Variants in RUNX1 observed in about 807,000 individuals in gnomAD.
RUNX1 encodes the protein RUNX family transcription factor 1, also known as runt-related transcription factor 1.
Under a neutral mutation model 42.8 loss-of-function variants are expected in RUNX1, and 19 were observed. The observed-to-expected ratio is 0.44, with a 90% confidence interval of 0.31 to 0.65. RUNX1 has a LOEUF of 0.65. Ranked by LOEUF, RUNX1 falls within the 30% of genes least tolerant of loss-of-function variation. RUNX1 has a pLI of 0.07. For missense variants in RUNX1, 528 were observed against 672.0 expected, an observed-to-expected ratio of 0.79 and a Z score of 2.37; for synonymous variants, 271 against 289.4, an observed-to-expected ratio of 0.94 and a Z score of 0.64.
intron 2 of RUNX1, among the ~76,000 whole-genome samples, chr21:34,957,836 G>A (rs765660798): frequency 1.4e-4 from 22 of 152,078 alleles, no homozygotes; most frequent in Non-Finnish European, 3.2e-4. Flanking sequence ...TGTCATGTCC[G>A]GCTATCGGCA....
chr21:34,865,872 G>A (rs1230720140), intron 5 of RUNX1, among the ~76,000 whole-genome samples: 1 of 152,184 alleles, frequency 6.6e-6, no homozygotes, highest in Non-Finnish European at 1.5e-5. Context: ...CATGCAGCTC[G>A]GGGTCATTTC....
At chr21:34,936,563 G>C (rs960290095) in intron 2 of RUNX1, among the ~76,000 whole-genome samples, 1 of 152,184 alleles carries the variant, frequency 6.6e-6, no homozygotes, top group South Asian at 2.1e-4. Context: ...GTAAATGTAC[G>C]AGGCTGCTAC....
chr21:34,957,510 T>TG lies in RUNX1; in HGVS notation c.59-64548dup, dbSNP rs1245148768. Among the ~76,000 whole-genome samples, 7 of 152,282 alleles carry TG rather than the reference T, an allele frequency of 4.6e-5. No homozygotes were observed. In the East Asian group the frequency reaches 1.2e-3, roughly 25 times the overall value. ...TGGAATTCTGGGCAAGGGGTGCCTG[T>TG]GTACCTCTCCAGTGCCACCTGGGTG... On this transcript the variant is annotated intron_variant, in intron 2 of 8. Coordinates refer to ENST00000675419, the MANE Select transcript of RUNX1 (RefSeq NM_001754.5).
In RUNX1 at chr21:34,792,052, C is replaced by T. The variant is rs2145870845; in HGVS notation, c.*83G>A. 5 of 899,184 alleles carry T rather than the reference C, an allele frequency of 5.6e-6. No individual in the cohort carries two copies. Among genetic ancestry groups the T allele is most frequent in the Non-Finnish European group, 7.7e-6 (5 of 652,510 alleles). 55.7% of individuals were successfully genotyped at this position (899,184 alleles called of 1,614,324 possible). On this transcript the variant is annotated 3_prime_UTR_variant, in exon 9 of 9. Transcript: ENST00000675419. The surrounding 1 kb of genome is among the most constrained non-coding windows in gnomAD (Gnocchi z 6.9). ...CCGGGCCCAGGGCCCGGGATCCCGG[C>T]GGGCTTGTCGCGAACAGGAGGCCCG...
At chr21:34,899,643 C>T (rs1166359233) in intron 2 of RUNX1, among the ~76,000 whole-genome samples, 1 of 152,200 alleles carries the variant, frequency 6.6e-6, no homozygotes, top group African/African-American at 2.4e-5. Context: ...ATACATTATC[C>T]CATTTAATTC....
At chr21:34,997,851 C>T (rs915418987) in intron 2 of RUNX1, among the ~76,000 whole-genome samples, 2 of 152,170 alleles carry the variant, frequency 1.3e-5, no homozygotes, top group African/African-American at 4.8e-5. Context: ...TCCTTCTCTC[C>T]CCAACACCCC....
Position 34,791,807 on chromosome 21 carries a change from T to C in RUNX1, c.*328A>G. The C allele has an allele frequency of 4.4e-6, 1 of 229,644 alleles. No homozygotes were observed. The allele number at this position is 229,644 out of a possible 1,614,324, so 14.2% of individuals were successfully genotyped here. On this transcript the variant is annotated 3_prime_UTR_variant, in exon 9 of 9. Transcript: ENST00000675419. ...TCACAGCATTGCTAAATCAGAAGCATTCACAGTTTCCCTCCGGGAATCTTC... is the reference window on the plus strand; with the variant it reads ...TCACAGCATTGCTAAATCAGAAGCACTCACAGTTTCCCTCCGGGAATCTTC...
intron 2 of RUNX1, among the ~76,000 whole-genome samples, chr21:34,929,373 T>C (rs1306342228): frequency 6.6e-6 from 1 of 152,176 alleles, no homozygotes; most frequent in Non-Finnish European, 1.5e-5. Context: ...CATTATGAAC[T>C]CACAGAAATA....
intron 2 of RUNX1, among the ~76,000 whole-genome samples, chr21:35,001,698 G>C (rs192404895): frequency 1.6e-4 from 25 of 152,258 alleles, no homozygotes; most frequent in African/African-American, 6.0e-4. Context: ...AAAGTAAGGA[G>C]TCAAATTATC....
At chr21:34,926,461 CAAAAAAAAAAA>C (rs1188609077) in intron 2 of RUNX1, among the ~76,000 whole-genome samples, 2 of 7,148 alleles carry the variant, frequency 2.8e-4, no homozygotes, top group Non-Finnish European at 6.0e-4. Context: ...GACCCAGTCT[CAAAAAAAAAAA>C]AAAAAAAAAA....
chr21:34,940,788 G>C (rs2058521128), intron 2 of RUNX1, among the ~76,000 whole-genome samples: 1 of 152,178 alleles, frequency 6.6e-6, no homozygotes, highest in Non-Finnish European at 1.5e-5. Flanking sequence ...CAGGAATTTA[G>C]ACACACTTAG....
intron 2 of RUNX1, among the ~76,000 whole-genome samples, chr21:34,912,854 T>C (rs2058282798): frequency 6.6e-6 from 1 of 152,200 alleles, no homozygotes; most frequent in East Asian, 1.9e-4. Flanking sequence ...AACTAGGGTG[T>C]GGGGAGAAGC....
At chr21:34,873,896 C>T (rs979748078) in intron 5 of RUNX1, among the ~76,000 whole-genome samples, 1 of 152,222 alleles carries the variant, frequency 6.6e-6, no homozygotes. Flanking sequence ...TTTATAAATA[C>T]AGACGTTGAA....
chr21:34,882,179 T>C (rs2146374073), intron 4 of RUNX1, among the ~76,000 whole-genome samples: 1 of 152,352 alleles, frequency 6.6e-6, no homozygotes, highest in South Asian at 2.1e-4. Context: ...AAGGCTGCCA[T>C]AGACTCACTT....
At chr21:34,909,358 A>G (rs2058252701) in intron 2 of RUNX1, among the ~76,000 whole-genome samples, 3 of 152,314 alleles carry the variant, frequency 2.0e-5, no homozygotes, top group South Asian at 2.1e-4. Flanking sequence ...GAAAACAGAG[A>G]GAATCCACTT....
chr21:34,992,883 T>G (rs77268513), intron 2 of RUNX1, among the ~76,000 whole-genome samples: 17 of 152,040 alleles, frequency 1.1e-4, no homozygotes, highest in African/African-American at 3.4e-4. Flanking sequence ...CAAGTCCAGT[T>G]TCTCCATGTC....
rs11701688 is a variant in RUNX1 at position 34,954,470 on chromosome 21, G to T, written c.59-61507C>A. On this transcript the variant is annotated intron_variant, in intron 2 of 8. Coordinates refer to ENST00000675419, the MANE Select transcript of RUNX1 (RefSeq NM_001754.5). ...TAGGGCTCCAACCCCAGGGGCTAAC[G>T]ATGCTAGGGAACTTCAGGAGCTTAT... Among the ~76,000 whole-genome samples, 1,312 of 152,220 alleles carry T rather than the reference G, an allele frequency of 8.6e-3. 10 individuals carry two copies. Among genetic ancestry groups the T allele is most frequent in the Middle Eastern group, 0.037 (11 of 294 alleles).
chr21:35,030,365 A>C (rs778658285), intron 2 of RUNX1, among the ~76,000 whole-genome samples: 8 of 151,642 alleles, frequency 5.3e-5, no homozygotes, highest in Non-Finnish European at 7.4e-5. Context: ...AAAATAAAAA[A>C]ACCACTGGTG....
At chr21:34,846,549 T>C (rs928296034) in intron 6 of RUNX1, among the ~76,000 whole-genome samples, 5 of 152,142 alleles carry the variant, frequency 3.3e-5, no homozygotes, top group Non-Finnish European at 4.4e-5. Context: ...TCTCCTTCTG[T>C]AGATGAGGAA....
Sources: gnomAD v4.1 joint callset for allele counts (sites outside exome capture counted in the v4.1 genomes callset) on GRCh38, gnomAD v4.1.1 for gene constraint, Gnocchi (gnomAD v3.1) non-coding constraint, MANE v1.5 for transcripts, NCBI Gene and HGNC (gene_info 2026-07-23, HGNC 2026-07-21) for gene names.